C5: variants seen among roughly 807,000 people sequenced by gnomAD.
C5 encodes C3 and PZP-like alpha-2-macroglobulin domain-containing protein 4.
A neutral mutation model predicts 218.8 loss-of-function variants in C5; 140 were observed. The observed-to-expected ratio is 0.64, with a 90% CI of 0.56 to 0.74. C5 has a LOEUF of 0.74. Among genes scored for constraint, C5 ranks in the 30% least tolerant of loss-of-function variants. The pLI, the probability that C5 is intolerant of heterozygous loss-of-function variation, is 0.00. For synonymous variants in C5, 614 were observed against 682.3 expected, an observed-to-expected ratio of 0.90 and a Z score of 1.56; for missense variants, 1,700 against 1,969.6, an observed-to-expected ratio of 0.86 and a Z score of 2.59.
chr9:120,982,896 T>G (rs182167473), intron 25 of C5, 82 bp from the exon 26 acceptor site: 1 of 799,024 alleles, frequency 1.3e-6, no homozygotes, highest in East Asian at 2.7e-5. Context: ...ACTTTATTCT[T>G]TAAAAGAAAA....
intron 21 of C5, 127 bp from the exon 22 acceptor site, chr9:120,996,427 A>G (rs2047117112): frequency 1.3e-6 from 1 of 782,090 alleles, no homozygotes. Flanking sequence ...CAAACTATGT[A>G]TAAATACTTA....
chr9:121,030,383 AC>A lies in C5; in HGVS notation c.758+13del, dbSNP rs752204116. ...AAATAAAAATAAAAACAACAAAAAA[AC>A]AAATGTTCTTACCTTGCTTTTATAG... On this transcript the variant is annotated intron_variant, in intron 7 of 40. Transcript: ENST00000223642. 9.8e-6 allele frequency: 13 copies of A among 1,324,072 alleles called. No individual in the cohort carries two copies. The highest frequency in any genetic ancestry group is 1.5e-5 in the African/African-American group (1 of 67,558). The allele number at this position is 1,324,072 out of a possible 1,614,324, so 82.0% of individuals were successfully genotyped here. A position where few individuals can be genotyped will look rare whatever the true frequency, so the allele number is the denominator to read the frequency against.
chr9:120,953,810 A>G lies in C5; in HGVS notation c.4821T>C (p.Thr1607=). 1.2e-6 allele frequency: 2 copies of G among 1,613,816 alleles called. No homozygotes were observed. Among genetic ancestry groups the G allele is most frequent in the Non-Finnish European group, 1.7e-6 (2 of 1,179,670 alleles). Residue 1607 remains threonine, a synonymous_variant, in exon 40 of 41, where the codon ACT becomes ACC. Coordinates refer to ENST00000223642, the MANE Select transcript of C5 (RefSeq NM_001735.3). ...EITFIKKVTC[T]NAELVKGRQY... is the part of the protein sequence containing the mutation. ...GTCTTCCTTTTACCAGCTCAGCGTTAGTACAGGTTACCTTTTTAATGAAGG... is the reference window on the plus strand; with the variant it reads ...GTCTTCCTTTTACCAGCTCAGCGTTGGTACAGGTTACCTTTTTAATGAAGG...
chr9:120,992,538 T>A (rs1389051967), intron 22 of C5, among the ~76,000 whole-genome samples: 1 of 152,256 alleles, frequency 6.6e-6, no homozygotes, highest in African/African-American at 2.4e-5. Context: ...CTTGAGATTA[T>A]CTAGATTTGC....
intron 3 of C5, among the ~76,000 whole-genome samples, chr9:121,041,125 G>A (rs2047575340): frequency 6.6e-6 from 1 of 150,956 alleles, no homozygotes; most frequent in African/African-American, 2.4e-5. Context: ...TGTATTTTTA[G>A]TGGAAACAGG....
chr9:120,953,467 G>T (rs1280973518), intron 40 of C5, among the ~76,000 whole-genome samples: 1 of 152,190 alleles, frequency 6.6e-6, no homozygotes, highest in African/African-American at 2.4e-5. Flanking sequence ...ACTATCAAGG[G>T]AGCTGGTGTG....
chr9:120,957,313 C>A lies in C5; in HGVS notation c.4734G>T (p.Lys1578Asn). 1 of 1,612,820 alleles carries A rather than the reference C, an allele frequency of 6.2e-7. No homozygotes were observed. Among genetic ancestry groups the A allele is most frequent in the South Asian group, 1.1e-5 (1 of 91,032 alleles). Residue 1578 changes from lysine (K) to asparagine (N), a missense_variant, in exon 39 of 41, where the codon AAG becomes AAT. Lys to Asn is a moderately conservative substitution (Grantham distance 94). Coordinates refer to ENST00000223642, the MANE Select transcript of C5 (RefSeq NM_001735.3). Reference protein sequence around the residue: ...ITVENVFVKYKATLLDIYKTG... With the variant: ...ITVENVFVKYNATLLDIYKTG... ...TTTTGTAGATATCCAGAAGGGTTGC[C>A]TTGTACTTGACAAAAACATTTTCTA...
At chr9:121,017,131 A>G (rs1346994034) in intron 14 of C5, among the ~76,000 whole-genome samples, 1 of 152,246 alleles carries the variant, frequency 6.6e-6, no homozygotes, top group African/African-American at 2.4e-5. Flanking sequence ...CCATGAATGT[A>G]ATTGCTACCA....
At chr9:121,052,512 G>A (rs2047677650), upstream of C5, among the ~76,000 whole-genome samples, 1 of 149,872 alleles carries the variant, frequency 6.7e-6, no homozygotes, top group African/African-American at 2.5e-5. Flanking sequence ...TGTGACCTTT[G>A]GTAAGCCTTT....
intron 20 of C5, among the ~76,000 whole-genome samples, chr9:120,998,109 C>T (rs750104924): frequency 9.2e-5 from 14 of 152,078 alleles, no homozygotes; most frequent in East Asian, 1.9e-4. Context: ...TGCCCAGACT[C>T]GAAATACTTT....
At chr9:121,055,270 T>C (rs931257917), upstream of C5, among the ~76,000 whole-genome samples, 1 of 152,146 alleles carries the variant, frequency 6.6e-6, no homozygotes, top group African/African-American at 2.4e-5. Context: ...TGATCACTCA[T>C]ATTGGCTCAA....
intron 33 of C5, among the ~76,000 whole-genome samples, chr9:120,966,300 C>T (rs952774778): frequency 1.3e-5 from 2 of 152,218 alleles, no homozygotes; most frequent in African/African-American, 2.4e-5. Flanking sequence ...GGCCTCCTGA[C>T]AATGAAGTCA....
At chr9:121,047,513 G>A (rs1169820421) in intron 1 of C5, among the ~76,000 whole-genome samples, 1 of 152,144 alleles carries the variant, frequency 6.6e-6, no homozygotes, top group Non-Finnish European at 1.5e-5. Flanking sequence ...GGAAAAAAAA[G>A]TGTTTTAACC....
At chr9:121,069,321 A>G in the C5 span, among the ~76,000 whole-genome samples, 4 of 152,176 alleles carry the variant, frequency 2.6e-5, no homozygotes, top group Non-Finnish European at 5.9e-5. Context: ...ATAAAAATGG[A>G]CAAATAATCT....
intron 37 of C5, among the ~76,000 whole-genome samples, chr9:120,960,559 A>T (rs1340671041): frequency 6.6e-6 from 1 of 152,244 alleles, no homozygotes; most frequent in Non-Finnish European, 1.5e-5. Context: ...AGCATGTCAC[A>T]AGCTTGTCTA....
In C5 at chr9:121,043,109, C is replaced by T. The variant is rs746782741; in HGVS notation, c.316G>A (p.Val106Ile). 6.2e-7 allele frequency: 1 copy of T among 1,613,304 alleles called. No homozygotes were observed. The highest frequency in any genetic ancestry group is 8.5e-7 in the Non-Finnish European group (1 of 1,179,504). Residue 106 changes from valine to isoleucine, a missense_variant, in exon 3 of 41, where the codon GTT (valine) becomes ATT (isoleucine). Transcript: ENST00000223642. ...QNPVSYVYLE[V>I]VSKHFSKSKR... ...GATTTTGAAAAATGCTTTGATACAA[C>T]TTCCAAATACACATAAGAAACTGGG...
Position 120,989,570 on chromosome 9 carries a change from T to G in C5, c.3152A>C (p.Glu1051Ala). 1 of 1,584,804 alleles carries G rather than the reference T, an allele frequency of 6.3e-7. No individual in the cohort carries two copies. Among genetic ancestry groups the G allele is most frequent in the Non-Finnish European group, 8.6e-7 (1 of 1,158,120 alleles). Residue 1051 changes from glutamate to alanine, a missense_variant and splice_region_variant, in exon 24 of 41, where the codon GAA (glutamate) becomes GCA (alanine). Glu to Ala is a moderately radical substitution (Grantham distance 107). Coordinates refer to ENST00000223642, the MANE Select transcript of C5 (RefSeq NM_001735.3). The part of the protein sequence containing the change: ...EKQKLKKKLK[E>A]GMLSIMSYRN... Reference sequence around the variant, plus strand: ...TGTGAAATACTTTTTTTTTTTACCTTCTTTTAATTTTTTCTTCAGTTTCTG... The same window carrying G: ...TGTGAAATACTTTTTTTTTTTACCTGCTTTTAATTTTTTCTTCAGTTTCTG...
chr9:120,990,870 G>A (rs2047072041), intron 23 of C5, among the ~76,000 whole-genome samples: 1 of 152,204 alleles, frequency 6.6e-6, no homozygotes, highest in African/African-American at 2.4e-5. Flanking sequence ...GAGCGGGACT[G>A]GCCACTAAGA....
chr9:120,953,720 G>A lies in C5; in HGVS notation c.4901+10C>T, dbSNP rs771338438. 2 of 1,613,480 alleles carry A rather than the reference G, an allele frequency of 1.2e-6. No individual in the cohort carries two copies. The highest frequency in any genetic ancestry group is 2.2e-5 in the South Asian group (2 of 91,058). On this transcript the variant is annotated intron_variant, in intron 40 of 40. Transcript: ENST00000223642. ...GGAAGATCAGTGACTGAAAAATATT[G>A]GTGACTTACCTGAAACTGAAATTGT...
Sources: gnomAD v4.1 joint callset for allele counts (sites outside exome capture counted in the v4.1 genomes callset) on GRCh38, gnomAD v4.1.1 for gene constraint, MANE v1.5 for transcripts, NCBI Gene and HGNC (gene_info 2026-07-23, HGNC 2026-07-21) for gene names.